Variants in RPL6 observed in about 807,000 individuals in gnomAD.
RPL6 encodes large ribosomal subunit protein eL6.
In RPL6, 1 loss-of-function variant was observed where a neutral mutation model predicts 32.1. The ratio of observed to expected loss-of-function variants is 0.03; its 90% CI spans 0.01 to 0.15. The LOEUF is 0.15. RPL6 is among the 10% of genes least tolerant of loss of function. The probability of loss-of-function intolerance (pLI) is 1.00; values close to 1 mark genes in which losing one functional copy is unlikely to be tolerated. For missense variants in RPL6, 275 were observed against 354.6 expected, an observed-to-expected ratio of 0.78 and a Z score of 1.80; for synonymous variants, 126 against 131.6, an observed-to-expected ratio of 0.96 and a Z score of 0.29.
chr12:112,413,461 C>T (rs185500460), upstream of RPL6, among the ~76,000 whole-genome samples: 927 of 152,168 alleles, frequency 6.1e-3, 11 homozygotes, highest in African/African-American at 0.021. Context: ...TGGTGTGAAC[C>T]CGGAAGGCAG....
intron 3 of RPL6, chr12:112,407,937 C>T: frequency 6.3e-6 from 2 of 315,672 alleles, no homozygotes; most frequent in African/African-American, 4.4e-5. Flanking sequence ...CCAGGCTGGT[C>T]TTGAACTCCT....
intron 5 of RPL6, 64 bp downstream of exon 5, chr12:112,406,230 T>C (rs2037163758): frequency 1.4e-6 from 2 of 1,438,180 alleles, no homozygotes; most frequent in Admixed American, 3.5e-5. Context: ...CAAACAAACG[T>C]GTATACTGCA....
upstream of RPL6, chr12:112,410,372 G>A (rs1356371423): frequency 1.1e-5 from 3 of 263,200 alleles, no homozygotes; most frequent in Middle Eastern, 6.5e-4. Flanking sequence ...TCTCATTCCC[G>A]TCCTCCGGCC....
intron 3 of RPL6, 118 bp from the exon 4 acceptor site, chr12:112,407,008 A>G: frequency 1.0e-6 from 1 of 963,262 alleles, no homozygotes; most frequent in Non-Finnish European, 1.5e-6. Context: ...TACTGTATTT[A>G]TATGATTCCA....
In RPL6 at chr12:112,406,017, C is replaced by G; in HGVS notation, c.550G>C (p.Val184Leu). 1 of 1,613,254 alleles carries G rather than the reference C, an allele frequency of 6.2e-7. No individual in the cohort carries two copies. Among genetic ancestry groups the G allele is most frequent in the Non-Finnish European group, 8.5e-7 (1 of 1,179,716 alleles). Reference sequence around the variant, plus strand: ...TTCTGGTGTGTTCTTCGTAGAGGAACTCGATTGAGGACCAGAGGTCCTAAG... The same window carrying G: ...TTCTGGTGTGTTCTTCGTAGAGGAAGTCGATTGAGGACCAGAGGTCCTAAG... ...LVTGPLVLNRVPLRRTHQKFV... is the reference protein window; with the variant it reads ...LVTGPLVLNRLPLRRTHQKFV... The change falls in exon 6 of 7, where the codon GTT (valine) becomes CTT (leucine). Residue 184 changes from valine (V) to leucine (L), a missense_variant. Physicochemically the swap from Val to Leu is conservative, Grantham distance 32. Transcript: ENST00000202773.
Position 112,408,642 on chromosome 12 carries a change from T to C in RPL6, c.15A>G (p.Lys5=). The C allele has an allele frequency of 6.4e-7, 1 of 1,563,564 alleles. No individual in the cohort carries two copies. The highest frequency in any genetic ancestry group is 8.6e-7 in the Non-Finnish European group (1 of 1,167,984). MAGE[K]VEKPDTKEKK... Reference sequence around the variant, plus strand: ...TCTCTTTAGTATCTGGCTTCTCAACTTTTTCACCCGCCATCTAAAAATATT... The same window carrying C: ...TCTCTTTAGTATCTGGCTTCTCAACCTTTTCACCCGCCATCTAAAAATATT... Residue 5 remains lysine, a synonymous_variant, in exon 2 of 7, where the codon AAA becomes AAG. Coordinates refer to ENST00000202773, the MANE Select transcript of RPL6 (RefSeq NM_000970.6).
upstream of RPL6, among the ~76,000 whole-genome samples, chr12:112,412,150 C>T (rs2037348350): frequency 6.6e-6 from 1 of 152,150 alleles, no homozygotes; most frequent in Admixed American, 6.6e-5. Context: ...CGCCATTCTC[C>T]TGCCTCAGCC....
At chr12:112,413,943 C>CA (rs1170785339), upstream of RPL6, among the ~76,000 whole-genome samples, 5 of 151,710 alleles carry the variant, frequency 3.3e-5, no homozygotes, top group South Asian at 1.0e-3. Context: ...ACAACAATGA[C>CA]AGAACCCACA....
At position 112,417,792 on chromosome 12, in the gene RPL6, G is replaced by A. The variant is rs142638276; in HGVS notation, c.-229+936C>T. On this transcript the variant is annotated intron_variant, in intron 1 of 5. Transcript: ENST00000551291. Reference sequence around the variant, plus strand: ...CTCACCTCAGCCTCCCGAGTAGCTGGGACTACAGGCGCGCGCCACCACGCC... The same window carrying A: ...CTCACCTCAGCCTCCCGAGTAGCTGAGACTACAGGCGCGCGCCACCACGCC... 1.7e-3 allele frequency among the ~76,000 whole-genome samples: 263 copies of A among 151,118 alleles called. 1 individual carries two copies. Among genetic ancestry groups the A allele is most frequent in the African/African-American group, 6.2e-3 (256 of 41,120 alleles).
upstream of RPL6, chr12:112,409,787 G>A (rs1000592698): frequency 2.1e-5 from 6 of 286,234 alleles, no homozygotes; most frequent in Non-Finnish European, 3.8e-5. Flanking sequence ...GAGGCAGGAG[G>A]ATCCTCTGAG....
At chr12:112,411,416 A>G (rs1434960165), upstream of RPL6, 1 of 152,190 alleles carries the variant, frequency 6.6e-6, no homozygotes, top group Non-Finnish European at 1.5e-5. Flanking sequence ...TCTGGGAATC[A>G]TTTAGCCTTT....
At chr12:112,410,773 C>T (rs1354547526), upstream of RPL6, among the ~76,000 whole-genome samples, 1 of 151,598 alleles carries the variant, frequency 6.6e-6, no homozygotes, top group Non-Finnish European at 1.5e-5. Context: ...CAGAGTTTCA[C>T]CATGATGGCC....
At chr12:112,415,384 C>T (rs1358171712) in intron 1 of RPL6, among the ~76,000 whole-genome samples, 1 of 152,100 alleles carries the variant, frequency 6.6e-6, no homozygotes, top group Non-Finnish European at 1.5e-5. Context: ...GCCTGGGCAA[C>T]ATAGCAAGAC....
intron 5 of RPL6, 94 bp downstream of exon 5, chr12:112,406,200 G>A: frequency 2.4e-6 from 3 of 1,263,548 alleles, no homozygotes; most frequent in Admixed American, 1.9e-5. Context: ...GGCAATAAGT[G>A]TCTACCATGT....
chr12:112,415,534 G>A (rs1383065576), intron 1 of RPL6, among the ~76,000 whole-genome samples: 2 of 152,052 alleles, frequency 1.3e-5, no homozygotes, highest in South Asian at 2.1e-4. Flanking sequence ...CCAACATGGC[G>A]AAACCCTGTC....
intron 1 of RPL6, among the ~76,000 whole-genome samples, chr12:112,417,238 A>G (rs2037424018): frequency 6.6e-6 from 1 of 151,574 alleles, no homozygotes; most frequent in Non-Finnish European, 1.5e-5. Context: ...TTGTATTTTT[A>G]GTTGAGACGG....
chr12:112,406,217 T>C (rs2037163404), intron 5 of RPL6, 77 bp downstream of exon 5: 8 of 1,351,978 alleles, frequency 5.9e-6, no homozygotes, highest in South Asian at 2.4e-5. Context: ...ATGTAGGCAG[T>C]AGCAAACAAA....
At position 112,408,261 on chromosome 12, in the gene RPL6, C is replaced by T; in HGVS notation, c.315G>A (p.Arg105=). The T allele has an allele frequency of 1.2e-6, 2 of 1,614,096 alleles. No homozygotes were observed. Among genetic ancestry groups the T allele is most frequent in the Non-Finnish European group, 1.7e-6 (2 of 1,179,984 alleles). Residue 105 remains arginine (R), a synonymous_variant, in exon 3 of 7, where the codon CGG becomes CGA. Coordinates refer to ENST00000202773, the MANE Select transcript of RPL6 (RefSeq NM_000970.6). ...TTACCATTTTGCGAAGTTTAACCAC[C>T]CGGGTACCGCCGTTCTTGTCACCAC... ...PVGGDKNGGT[R]VVKLRKMPRY... is the part of the protein sequence containing the mutation.
At chr12:112,408,719 TA>T in intron 1 of RPL6, 63 bp from the exon 2 acceptor site, 1 of 1,401,518 alleles carries the variant, frequency 7.1e-7, no homozygotes, top group South Asian at 1.4e-5. Flanking sequence ...AACAAGACAA[TA>T]ATGAACCTGT....
Sources: gnomAD v4.1 joint callset for allele counts (sites outside exome capture counted in the v4.1 genomes callset) on GRCh38, gnomAD v4.1.1 for gene constraint, MANE v1.5 for transcripts, NCBI Gene and HGNC (gene_info 2026-07-23, HGNC 2026-07-21) for gene names.